Variants in EYA4 observed in about 807,000 individuals in gnomAD.
EYA4 encodes the protein protein phosphatase EYA4.
In EYA4, 31 loss-of-function variants were observed where a neutral mutation model predicts 87.9. The observed-to-expected ratio is 0.35, with a 90% CI of 0.27 to 0.48. The LOEUF (loss-of-function observed/expected upper bound fraction) is 0.48, where lower values mean the gene tolerates loss of function less well. Among genes scored for constraint, EYA4 ranks in the 20% least tolerant of loss-of-function variants. The probability of loss-of-function intolerance (pLI) is 0.99; values close to 1 mark genes in which losing one functional copy is unlikely to be tolerated. For missense variants in EYA4, 678 were observed against 761.4 expected, an observed-to-expected ratio of 0.89 and a Z score of 1.29; for synonymous variants, 263 against 270.6, an observed-to-expected ratio of 0.97 and a Z score of 0.28.
chr6:133,481,044 G>GGTGGAAGGGAAGATGGGAGAGGTGGA (rs1583409557), intron 11 of EYA4, among the ~76,000 whole-genome samples: 7 of 152,120 alleles, frequency 4.6e-5, no homozygotes, highest in African/African-American at 1.2e-4. Context: ...GAAGATGAGA[G>GGTGGAAGGGAAGATGGGAGAGGTGGA]AGGGTTTGAC....
intron 13 of EYA4, among the ~76,000 whole-genome samples, chr6:133,501,363 T>G (rs1798100521): frequency 1.3e-5 from 2 of 152,054 alleles, no homozygotes; most frequent in African/African-American, 2.4e-5. Flanking sequence ...TTTTTGGTTA[T>G]CTGCTCTCTG....
At chr6:133,316,579 C>T (rs1352925273) in intron 2 of EYA4, among the ~76,000 whole-genome samples, 3 of 152,122 alleles carry the variant, frequency 2.0e-5, no homozygotes, top group Non-Finnish European at 2.9e-5. Flanking sequence ...CCACGACTGT[C>T]GTTTTCTTCT....
intron 2 of EYA4, among the ~76,000 whole-genome samples, chr6:133,343,104 C>T (rs754703349): frequency 2.6e-4 from 39 of 151,940 alleles, no homozygotes; most frequent in Admixed American, 7.2e-4. Context: ...GTTATATGGA[C>T]AGTTCTAGAA....
intron 3 of EYA4, among the ~76,000 whole-genome samples, chr6:133,426,452 C>CA (rs1790682560): frequency 6.9e-6 from 1 of 143,954 alleles, no homozygotes; most frequent in Non-Finnish European, 1.6e-5. Context: ...CCACCTTAGT[C>CA]AAAAACCATT....
chr6:133,259,931 G>A (rs761491405), intron 1 of EYA4, among the ~76,000 whole-genome samples: 3 of 152,110 alleles, frequency 2.0e-5, no homozygotes, highest in Non-Finnish European at 4.4e-5. Context: ...CACTTCTTGA[G>A]ATTTACCAGA....
intron 3 of EYA4, among the ~76,000 whole-genome samples, chr6:133,391,791 C>T (rs1465095346): frequency 6.6e-6 from 1 of 152,060 alleles, no homozygotes; most frequent in Non-Finnish European, 1.5e-5. Flanking sequence ...GGTAGATAAC[C>T]CACAAGTGCC....
intron 19 of EYA4, 77 bp downstream of exon 19, chr6:133,525,331 A>G: frequency 1.7e-6 from 2 of 1,171,228 alleles, no homozygotes; most frequent in South Asian, 2.5e-5. Flanking sequence ...GTTTGGCCCA[A>G]TGGCAGCTTG....
At chr6:133,297,868 G>C (rs1049403350) in intron 2 of EYA4, among the ~76,000 whole-genome samples, 1 of 152,274 alleles carries the variant, frequency 6.6e-6, no homozygotes, top group East Asian at 1.9e-4. Context: ...CAGCTATGTG[G>C]GGTGGATATT....
chr6:133,272,383 G>T (rs1776767833), intron 1 of EYA4, among the ~76,000 whole-genome samples: 1 of 152,138 alleles, frequency 6.6e-6, no homozygotes, highest in African/African-American at 2.4e-5. Flanking sequence ...GTGCCTTCAG[G>T]ACCTGCTCAA....
At chr6:133,497,682 T>C (rs563765564) in intron 13 of EYA4, among the ~76,000 whole-genome samples, 3 of 152,358 alleles carry the variant, frequency 2.0e-5, no homozygotes, top group Non-Finnish European at 4.4e-5. Context: ...TATATCATTT[T>C]ACCTGATAAC....
intron 3 of EYA4, among the ~76,000 whole-genome samples, chr6:133,388,928 G>A (rs1005579253): frequency 2.6e-5 from 4 of 151,924 alleles, no homozygotes; most frequent in East Asian, 1.9e-4. Context: ...AGCATGCTCC[G>A]CCCACGTCCT....
intron 17 of EYA4, 61 bp from the exon 18 acceptor site, chr6:133,522,995 A>T: frequency 7.0e-7 from 1 of 1,434,820 alleles, no homozygotes; most frequent in Non-Finnish European, 9.8e-7. Flanking sequence ...TGACAATTTT[A>T]AATCTATTAG....
At chr6:133,264,959 C>G (rs1293850924) in intron 1 of EYA4, among the ~76,000 whole-genome samples, 1 of 152,158 alleles carries the variant, frequency 6.6e-6, no homozygotes, top group Non-Finnish European at 1.5e-5. Context: ...GTGTACTTCT[C>G]TACAAACTTC....
At position 133,444,266 on chromosome 6, in the gene EYA4, T is replaced by G. The variant is rs143802678; in HGVS notation, c.84-2364T>G. On this transcript the variant is annotated intron_variant, in intron 3 of 19. Transcript: ENST00000355286. ...TTGAATAATTTATTGTTTTTCATCA[T>G]TTTCCAATTCCTTTCTTTATATTTG... Among the ~76,000 whole-genome samples, 400 of 152,320 alleles carry G rather than the reference T, an allele frequency of 2.6e-3. 1 individual carries two copies. The highest frequency in any genetic ancestry group is 7.7e-3 in the African/African-American group (320 of 41,574).
intron 6 of EYA4, among the ~76,000 whole-genome samples, chr6:133,459,275 A>C (rs1318616565): frequency 6.6e-6 from 1 of 152,150 alleles, no homozygotes; most frequent in Non-Finnish European, 1.5e-5. Flanking sequence ...TTGAGGCTTT[A>C]TAGTGTTGTG....
At chr6:133,317,466 G>A (rs1014033792) in intron 2 of EYA4, among the ~76,000 whole-genome samples, 3 of 152,136 alleles carry the variant, frequency 2.0e-5, no homozygotes, top group Non-Finnish European at 4.4e-5. Context: ...ATTTGTGTAT[G>A]TAATTAATAA....
At chr6:133,406,568 G>C (rs1788727932) in intron 3 of EYA4, among the ~76,000 whole-genome samples, 1 of 152,194 alleles carries the variant, frequency 6.6e-6, no homozygotes, top group Non-Finnish European at 1.5e-5. Flanking sequence ...CATTAAAAAT[G>C]TTCTAAGATT....
chr6:133,287,407 A>G (rs1318465083), intron 2 of EYA4, among the ~76,000 whole-genome samples: 1 of 152,200 alleles, frequency 6.6e-6, no homozygotes, highest in Non-Finnish European at 1.5e-5. Context: ...TATCAGGCAT[A>G]AAAGCTCAGA....
At chr6:133,451,356 G>T (rs960434845) in intron 5 of EYA4, among the ~76,000 whole-genome samples, 1 of 152,278 alleles carries the variant, frequency 6.6e-6, no homozygotes, top group South Asian at 2.1e-4. Context: ...ATCTATATGT[G>T]TATACATAAG....
Sources: allele counts gnomAD v4.1 joint callset (sites outside exome capture counted in the v4.1 genomes callset), GRCh38; gene constraint gnomAD v4.1.1; transcripts MANE v1.5; gene names NCBI Gene and HGNC (gene_info 2026-07-23, HGNC 2026-07-21).